Variants in GRXCR2 observed in about 807,000 individuals in gnomAD.
The protein encoded by GRXCR2 is glutaredoxin domain-containing cysteine-rich protein 2.
A neutral mutation model predicts 24.8 loss-of-function variants in GRXCR2; 23 were observed. That is an observed-to-expected ratio of 0.93 (90% confidence interval 0.67 to 1.32). The LOEUF is 1.32. GRXCR2 is among the 40% of genes most tolerant of loss of function. The probability of loss-of-function intolerance (pLI) is 0.00; values close to 1 mark genes in which losing one functional copy is unlikely to be tolerated. For synonymous variants in GRXCR2, 130 were observed against 116.1 expected (o/e 1.12, Z -0.77); for missense variants, 315 against 303.4 (o/e 1.04, Z -0.28).
At chr5:145,893,726 A>G in intron 2 of GRXCR2, among the ~76,000 whole-genome samples, 1 of 152,192 alleles carries the variant, frequency 6.6e-6, no homozygotes, top group Non-Finnish European at 1.5e-5. Context: ...CAGATCAACA[A>G]GACATAAATT....
intron 2 of GRXCR2, among the ~76,000 whole-genome samples, chr5:145,896,137 T>C (rs1756944607): frequency 6.6e-6 from 1 of 152,116 alleles, no homozygotes; most frequent in Non-Finnish European, 1.5e-5. Flanking sequence ...TAATTCAAGA[T>C]GGATTAAAGA....
intron 2 of GRXCR2, among the ~76,000 whole-genome samples, chr5:145,930,871 T>A (rs1757468236): frequency 6.6e-6 from 1 of 152,188 alleles, no homozygotes; most frequent in African/African-American, 2.4e-5. Flanking sequence ...AACATCTCAA[T>A]GAAGTAGGTG....
intron 2 of GRXCR2, among the ~76,000 whole-genome samples, chr5:145,860,989 T>C (rs1188270301): frequency 2.0e-5 from 3 of 152,034 alleles, no homozygotes; most frequent in East Asian, 3.9e-4. Context: ...CTTAAGGAAA[T>C]TGGTGATCTT....
At chr5:145,868,662 A>G (rs1488480611) in intron 1 of GRXCR2, among the ~76,000 whole-genome samples, 1 of 152,048 alleles carries the variant, frequency 6.6e-6, no homozygotes, top group African/African-American at 2.4e-5. Context: ...TCATCTCTAG[A>G]GCTGATTTTT....
intron 2 of GRXCR2, among the ~76,000 whole-genome samples, chr5:145,903,049 C>T (rs1218984589): frequency 6.6e-6 from 1 of 152,130 alleles, no homozygotes; most frequent in Non-Finnish European, 1.5e-5. Flanking sequence ...TGCCTTAGAA[C>T]AAATAAGCAC....
rs576801920 is a variant in GRXCR2, at chr5:145,915,800, G to A, written c.-70+19901C>T. 6.6e-5 allele frequency among the ~76,000 whole-genome samples: 10 copies of A among 152,156 alleles called. No individual in the cohort carries two copies. The South Asian group carries it at 1.9e-3, about 28-fold the overall frequency. On this transcript the variant is annotated intron_variant, in intron 2 of 3. Transcript: ENST00000639411. ...CACATTAGAAGGCTGTGTGTCTTTG[G>A]ACATTTCCTTGTGCCTCAGTTTTTC... is the stretch of plus-strand genomic sequence containing the variant.
intron 2 of GRXCR2, among the ~76,000 whole-genome samples, chr5:145,892,716 T>C (rs1756887730): frequency 6.6e-6 from 1 of 152,158 alleles, no homozygotes; most frequent in African/African-American, 2.4e-5. Flanking sequence ...CTGCAGGATA[T>C]TATCCAGGAA....
intron 2 of GRXCR2, among the ~76,000 whole-genome samples, chr5:145,885,698 C>T (rs373399146): frequency 8.5e-5 from 13 of 152,304 alleles, no homozygotes; most frequent in Non-Finnish European, 1.5e-4. Flanking sequence ...CTGAGGAATA[C>T]ACCATTTCCA....
intron 2 of GRXCR2, among the ~76,000 whole-genome samples, chr5:145,931,395 C>T (rs1241197151): frequency 4.6e-5 from 7 of 152,134 alleles, no homozygotes; most frequent in Non-Finnish European, 8.8e-5. Context: ...CAATAAGTCA[C>T]CTCCAGAAAA....
chr5:145,896,721 T>C lies in GRXCR2; in HGVS notation c.-69-29993A>G, dbSNP rs566074646. Reference sequence around the variant, plus strand: ...CTAGTTCAACCCTTGTGGAAGTCAGTGTGGCGATTCCTCAGGGATCTAGAA... The same window carrying C: ...CTAGTTCAACCCTTGTGGAAGTCAGCGTGGCGATTCCTCAGGGATCTAGAA... On this transcript the variant is annotated intron_variant, in intron 2 of 3. Transcript: ENST00000639411. 6.2e-3 allele frequency among the ~76,000 whole-genome samples: 950 copies of C among 152,294 alleles called. 9 individuals carry two copies. The highest frequency in any genetic ancestry group is 0.022 in the African/African-American group (912 of 41,564).
rs1238820252 is a variant in GRXCR2, at chr5:145,866,693, G to A, written c.372C>T (p.Ile124=). 1.9e-6 allele frequency: 3 copies of A among 1,612,886 alleles called. No individual in the cohort carries two copies. In the South Asian group the frequency reaches 3.3e-5, roughly 18 times the overall value. The part of the protein sequence containing the change: ...LPIIDFGKII[I]YTNNLKIIRT... ...GAATGATTTTCAGGTTATTAGTGTA[G>A]ATGATTATCTTTCCAAAATCTATAA... The change falls in exon 2 of 3, where the codon ATC becomes ATT. Residue 124 remains isoleucine, a synonymous_variant. Coordinates refer to ENST00000377976, the MANE Select transcript of GRXCR2 (RefSeq NM_001080516.2).
At chr5:145,888,139 G>A (rs759769956) in intron 2 of GRXCR2, among the ~76,000 whole-genome samples, 4 of 152,202 alleles carry the variant, frequency 2.6e-5, no homozygotes, top group African/African-American at 7.2e-5. Context: ...TAGTAAGCAT[G>A]GCTAGTTAAA....
Position 145,859,433 on chromosome 5 carries a change from G to A in GRXCR2, c.*300C>T. 5.0e-6 allele frequency: 2 copies of A among 400,650 alleles called. No homozygotes were observed. Among genetic ancestry groups the A allele is most frequent in the East Asian group, 4.8e-5 (1 of 20,878 alleles). 24.8% of individuals were successfully genotyped at this position (400,650 alleles called of 1,614,324 possible). A position where few individuals can be genotyped will look rare whatever the true frequency, so the allele number is the denominator to read the frequency against. On this transcript the variant is annotated 3_prime_UTR_variant, in exon 3 of 3. Transcript: ENST00000377976. ...TGAAGTGTACATGTATTTGCTCACT[G>A]AAGCAAGAAGAAAACTGAGCTAAGT... is the stretch of plus-strand genomic sequence containing the variant.
At chr5:145,868,207 T>C (rs1277028186) in intron 1 of GRXCR2, among the ~76,000 whole-genome samples, 1 of 152,168 alleles carries the variant, frequency 6.6e-6, no homozygotes, top group African/African-American at 2.4e-5. Context: ...TGTTATTATT[T>C]AAAATTATTC....
chr5:145,864,854 T>A (rs1756401456), intron 2 of GRXCR2, among the ~76,000 whole-genome samples: 1 of 152,132 alleles, frequency 6.6e-6, no homozygotes, highest in African/African-American at 2.4e-5. Flanking sequence ...TTTAAAAATA[T>A]CTTTTTGAGT....
At chr5:145,915,191 C>T (rs1757219712) in intron 2 of GRXCR2, among the ~76,000 whole-genome samples, 1 of 152,128 alleles carries the variant, frequency 6.6e-6, no homozygotes, top group Admixed American at 6.5e-5. Flanking sequence ...GGAGGTTCTA[C>T]AGAAGGTGAA....
At chr5:145,907,757 T>G (rs556607050) in intron 2 of GRXCR2, among the ~76,000 whole-genome samples, 1 of 152,060 alleles carries the variant, frequency 6.6e-6, no homozygotes. Flanking sequence ...AGAATAGGTA[T>G]TGGGGACAGA....
At chr5:145,907,308 C>A (rs1757104694) in intron 2 of GRXCR2, among the ~76,000 whole-genome samples, 1 of 152,130 alleles carries the variant, frequency 6.6e-6, no homozygotes, top group African/African-American at 2.4e-5. Flanking sequence ...GCAGGAGGAT[C>A]TTTTGAGGTC....
chr5:145,903,024 A>G (rs1440129195), intron 2 of GRXCR2, among the ~76,000 whole-genome samples: 3 of 152,196 alleles, frequency 2.0e-5, no homozygotes, highest in Non-Finnish European at 4.4e-5. Context: ...ACTCCTACAT[A>G]TCCCTATGAT....
Sources: gnomAD v4.1 joint callset for allele counts (sites outside exome capture counted in the v4.1 genomes callset) on GRCh38, gnomAD v4.1.1 for gene constraint, MANE v1.5 for transcripts, NCBI Gene and HGNC (gene_info 2026-07-23, HGNC 2026-07-21) for gene names.